CTDP1: variants seen among roughly 807,000 people sequenced by gnomAD.
The protein encoded by CTDP1 is CTD phosphatase 1.
In CTDP1, 47 loss-of-function variants were observed where a neutral mutation model predicts 91.8. That is an observed-to-expected ratio of 0.51 (90% CI 0.41 to 0.65). The LOEUF (loss-of-function observed/expected upper bound fraction) is 0.65. Ranked by LOEUF, CTDP1 falls within the 30% of genes least tolerant of loss-of-function variation. The pLI is 0.00. For missense variants in CTDP1, 1,272 were observed against 1,373.7 expected (o/e 0.93, Z 1.17); for synonymous variants, 656 against 598.5 (o/e 1.10, Z -1.40).
chr18:79,679,878 C>T lies in CTDP1; in HGVS notation c.-70C>T, dbSNP rs1453859322. On this transcript the variant is annotated 5_prime_UTR_variant, in exon 1 of 13. Coordinates refer to ENST00000613122, the MANE Select transcript of CTDP1 (RefSeq NM_004715.5). ...CAGCGTCGCCGCCTGGGTTGTGTCG[C>T]CGCGGTAGGCGCTGCGCTCTGAGCG... 1.7e-5 allele frequency: 22 copies of T among 1,306,754 alleles called. No homozygotes were observed. In the African/African-American group the frequency reaches 2.7e-4, roughly 16 times the overall value. 80.9% of individuals were successfully genotyped at this position (1,306,754 alleles called of 1,614,324 possible).
intron 10 of CTDP1, among the ~76,000 whole-genome samples, chr18:79,727,362 T>TGGCGTTCACGGGATGGAAAGCGC (rs2086470893): frequency 6.6e-6 from 1 of 151,822 alleles, no homozygotes; most frequent in African/African-American, 2.4e-5. Flanking sequence ...ATGGGAAGCG[T>TGGCGTTCACGGGATGGAAAGCGC]GGCGTTCACG....
chr18:79,720,065 A>C (rs1223254741), intron 10 of CTDP1, among the ~76,000 whole-genome samples: 6 of 134,176 alleles, frequency 4.5e-5, no homozygotes, highest in African/African-American at 1.2e-4. Context: ...CCTGGTGATG[A>C]TGTCACCTCC....
chr18:79,737,986 C>T (rs1014083287), intron 12 of CTDP1, among the ~76,000 whole-genome samples: 5 of 152,200 alleles, frequency 3.3e-5, no homozygotes, highest in East Asian at 1.9e-4. Context: ...GCTGCCTCTC[C>T]GCTCCACTCC....
chr18:79,696,198 TCA>T, intron 3 of CTDP1, 128 bp downstream of exon 3: 2 of 799,460 alleles, frequency 2.5e-6, no homozygotes, highest in South Asian at 2.9e-5. Context: ...CAACCCCTCA[TCA>T]CACGGATGAC....
chr18:79,714,793 G>A lies in CTDP1; in HGVS notation c.1333G>A (p.Ala445Thr). 1 of 1,603,418 alleles carries A rather than the reference G, an allele frequency of 6.2e-7. No individual in the cohort carries two copies. The highest frequency in any genetic ancestry group is 1.1e-5 in the South Asian group (1 of 89,606). ...VAPGQRPAQG[A>T]TGTDLDFDLS... ...ACCGGGACAGCGGCCTGCCCAGGGTGCCACGGGCACTGACCTGGACTTTGA... is the reference window on the plus strand; with the variant it reads ...ACCGGGACAGCGGCCTGCCCAGGGTACCACGGGCACTGACCTGGACTTTGA... Residue 445 changes from alanine (A) to threonine (T), a missense_variant, in exon 8 of 13, where the codon GCC becomes ACC. Coordinates refer to ENST00000613122, the MANE Select transcript of CTDP1 (RefSeq NM_004715.5).
chr18:79,708,277 C>T (rs139537161), intron 5 of CTDP1, among the ~76,000 whole-genome samples: 1 of 152,334 alleles, frequency 6.6e-6, no homozygotes, highest in Admixed American at 6.5e-5. Context: ...AGCAGCTCTT[C>T]TGTTTTAATT....
intron 4 of CTDP1, among the ~76,000 whole-genome samples, chr18:79,699,553 G>C (rs28548012): frequency 6.6e-6 from 1 of 152,010 alleles, no homozygotes; most frequent in Non-Finnish European, 1.5e-5. Flanking sequence ...ATGAGCCACC[G>C]CGCCCGCCCA....
chr18:79,704,304 C>A (rs760249393), intron 4 of CTDP1, among the ~76,000 whole-genome samples: 3 of 152,148 alleles, frequency 2.0e-5, no homozygotes, highest in Admixed American at 2.0e-4. Flanking sequence ...ACACTCCTAT[C>A]CCCTGTCCCA....
chr18:79,681,410 C>T (rs2085365256), intron 1 of CTDP1: 1 of 965,444 alleles, frequency 1.0e-6, no homozygotes, highest in Non-Finnish European at 1.2e-6. Flanking sequence ...GAGGCAGATC[C>T]CAATGCTGGT....
rs112166088 is a variant in CTDP1 at position 79,730,423 on chromosome 18, C to G, written c.2580+1354C>G. On this transcript the variant is annotated intron_variant, in intron 11 of 12. Coordinates refer to ENST00000613122, the MANE Select transcript of CTDP1 (RefSeq NM_004715.5). ...GCGTGGAGGACTCGGGGTCTGTTCC[C>G]CACGCAGTCCTGTTTCAGGCAGTGG... 8.2e-3 allele frequency among the ~76,000 whole-genome samples: 1,242 copies of G among 151,594 alleles called. 9 individuals carry two copies. Among genetic ancestry groups the G allele is most frequent in the Non-Finnish European group, 0.013 (855 of 67,898 alleles).
intron 11 of CTDP1, among the ~76,000 whole-genome samples, chr18:79,733,007 T>G (rs1482111474): frequency 1.3e-5 from 2 of 152,222 alleles, no homozygotes; most frequent in Non-Finnish European, 2.9e-5. Flanking sequence ...GAAGCGACTC[T>G]AAAGCATGCA....
At chr18:79,753,500 C>T (rs2122920334) in intron 12 of CTDP1, 152 bp from the exon 13 acceptor site, 1 of 1,192,062 alleles carries the variant, frequency 8.4e-7, no homozygotes, top group South Asian at 1.3e-5. Context: ...TGTGACGTGG[C>T]CCTGGGTCGG....
intron 11 of CTDP1, chr18:79,735,565 T>C (rs1480095127): frequency 1.3e-5 from 2 of 152,490 alleles, no homozygotes; most frequent in Non-Finnish European, 2.9e-5. Flanking sequence ...TTTCTGTGCG[T>C]CCTTCTCCCA....
intron 4 of CTDP1, among the ~76,000 whole-genome samples, chr18:79,700,318 A>G (rs888156447): frequency 3.3e-5 from 5 of 152,238 alleles, no homozygotes; most frequent in African/African-American, 9.6e-5. Flanking sequence ...CTCTTGCACT[A>G]AACAGCCAAG....
At chr18:79,712,789 G>A (rs960986890) in intron 6 of CTDP1, among the ~76,000 whole-genome samples, 183 bp from the exon 7 acceptor site, 1 of 152,222 alleles carries the variant, frequency 6.6e-6, no homozygotes, top group Non-Finnish European at 1.5e-5. Flanking sequence ...CAGCACTGAA[G>A]ATGTTACTGA....
At chr18:79,751,551 T>G (rs1200320066) in intron 12 of CTDP1, among the ~76,000 whole-genome samples, 2 of 152,216 alleles carry the variant, frequency 1.3e-5, no homozygotes, top group Admixed American at 1.3e-4. Flanking sequence ...TTCTGTTGGT[T>G]CCATCTGATC....
Position 79,750,443 on chromosome 18 carries a change from C to T in CTDP1, c.2748-3209C>T, listed in dbSNP as rs10460022. 3.4e-4 allele frequency among the ~76,000 whole-genome samples: 51 copies of T among 152,064 alleles called. No individual in the cohort carries two copies. The East Asian group carries it at 6.2e-3, about 19-fold the overall frequency. On this transcript the variant is annotated intron_variant, in intron 12 of 12. Transcript: ENST00000613122. Reference sequence around the variant, plus strand: ...ATTCCAGTTGACATAAAAATAAATTCGTTTAAAACTTGGACGGCAGGTATT... The same window carrying T: ...ATTCCAGTTGACATAAAAATAAATTTGTTTAAAACTTGGACGGCAGGTATT...
At chr18:79,693,373 C>T (rs866058025) in intron 1 of CTDP1, among the ~76,000 whole-genome samples, 20 of 152,170 alleles carry the variant, frequency 1.3e-4, no homozygotes, top group Middle Eastern at 3.4e-3. Context: ...TTAAGGAAAT[C>T]ATACTTGTCA....
chr18:79,752,123 G>A (rs527625674), intron 12 of CTDP1, among the ~76,000 whole-genome samples: 4 of 152,386 alleles, frequency 2.6e-5, no homozygotes, highest in Non-Finnish European at 4.4e-5. Flanking sequence ...TCTCCTGGGT[G>A]TGCCCCGATC....
Sources: allele counts gnomAD v4.1 joint callset (sites outside exome capture counted in the v4.1 genomes callset), GRCh38; gene constraint gnomAD v4.1.1; transcripts MANE v1.5; gene names NCBI Gene and HGNC (gene_info 2026-07-23, HGNC 2026-07-21).